Variants in ADGRA2 observed in about 807,000 individuals in gnomAD.
The protein encoded by ADGRA2 is adhesion G protein-coupled receptor A2.
Under a neutral mutation model 98.7 loss-of-function variants are expected in ADGRA2, and 61 were observed. The ratio of observed to expected loss-of-function variants is 0.62; its 90% CI spans 0.50 to 0.76. The LOEUF (loss-of-function observed/expected upper bound fraction) is 0.76, where lower values mean the gene tolerates loss of function less well. Ranked by LOEUF, ADGRA2 falls within the 30% of genes least tolerant of loss-of-function variation. The pLI, the probability that ADGRA2 is intolerant of heterozygous loss-of-function variation, is 0.00. For synonymous variants in ADGRA2, 858 were observed against 831.5 expected (o/e 1.03, Z -0.55); for missense variants, 1,712 against 1,860.0 (o/e 0.92, Z 1.46).
chr8:37,810,419 G>T (rs1007854122), intron 1 of ADGRA2, among the ~76,000 whole-genome samples: 1 of 152,006 alleles, frequency 6.6e-6, no homozygotes, highest in Non-Finnish European at 1.5e-5. Flanking sequence ...GGCAGTAGGA[G>T]AATCGCTTGA....
At chr8:37,816,014 G>C (rs1163712261) in intron 2 of ADGRA2, among the ~76,000 whole-genome samples, 1 of 152,176 alleles carries the variant, frequency 6.6e-6, no homozygotes, top group Non-Finnish European at 1.5e-5. Flanking sequence ...GCGCCATTTT[G>C]CCCAAATGGG....
Position 37,802,277 on chromosome 8 carries a change from C to G in ADGRA2, c.266+4743C>G, listed in dbSNP as rs552470144. 1.3e-5 allele frequency among the ~76,000 whole-genome samples: 2 copies of G among 152,068 alleles called. No individual in the cohort carries two copies. Among genetic ancestry groups the G allele is most frequent in the African/African-American group, 4.8e-5 (2 of 41,418 alleles). The stretch of plus-strand genomic sequence containing the variant: ...TGTGCCAAGCGTCGTGCACATGGCC[C>G]GAGGGCAGGACAAGGATGCTGGTGG... On this transcript the variant is annotated intron_variant, in intron 1 of 18. Coordinates refer to ENST00000412232, the MANE Select transcript of ADGRA2 (RefSeq NM_032777.10). This position sits in a 1 kb window ranked among gnomAD's most constrained non-coding sequence, Gnocchi z 4.7.
At chr8:37,825,549 G>A (rs1038798229) in intron 2 of ADGRA2, among the ~76,000 whole-genome samples, 5 of 151,902 alleles carry the variant, frequency 3.3e-5, no homozygotes, top group African/African-American at 4.8e-5. Context: ...GCACCCGGCC[G>A]GGGCTTCTTA....
At chr8:37,838,694 TCTC>T (rs10604017) in intron 14 of ADGRA2, among the ~76,000 whole-genome samples, 112,000 of 151,700 alleles carry the variant, frequency 0.74, 41,761 homozygotes, top group East Asian at 0.9. Flanking sequence ...CTGCTCCCTT[TCTC>T]CTCATCTCTG....
Position 37,841,279 on chromosome 8 carries a change from G to A in ADGRA2, c.2941G>A (p.Gly981Ser). 1 of 1,611,820 alleles carries A rather than the reference G, an allele frequency of 6.2e-7. No individual in the cohort carries two copies. The change falls in exon 19 of 19, where the codon GGC becomes AGC. Residue 981 changes from glycine (G) to serine (S), a missense_variant. Coordinates refer to ENST00000412232, the MANE Select transcript of ADGRA2 (RefSeq NM_032777.10). The surrounding 1 kb of genome is among the most constrained non-coding windows in gnomAD (Gnocchi z 5.0). ...EELRGSTRLR[G>S]SGPLLSDSGS... ...GCTGAGGGGTTCCACCAGGCTCAGGGGCAGCGGCCCCCTCCTGAGTGACTC... is the reference window on the plus strand; with the variant it reads ...GCTGAGGGGTTCCACCAGGCTCAGGAGCAGCGGCCCCCTCCTGAGTGACTC...
chr8:37,837,774 G>T lies in ADGRA2; in HGVS notation c.2094G>T (p.Ser698=). 1.3e-6 allele frequency: 2 copies of T among 1,552,444 alleles called. No homozygotes were observed. Among genetic ancestry groups the T allele is most frequent in the Non-Finnish European group, 1.7e-6 (2 of 1,148,026 alleles). Residue 698 remains serine, a synonymous_variant, in exon 14 of 19, where the codon TCG becomes TCT. Transcript: ENST00000412232. ...ACCTGACAGAGCCAGTGGCCGTTTCGCTGCGGCACTGGGCTGAGGGAGCCG... is the reference window on the plus strand; with the variant it reads ...ACCTGACAGAGCCAGTGGCCGTTTCTCTGCGGCACTGGGCTGAGGGAGCCG... ...VGNLTEPVAV[S]LRHWAEGAEP...
chr8:37,831,175 C>T (rs114025530), intron 7 of ADGRA2, among the ~76,000 whole-genome samples: 42 of 152,278 alleles, frequency 2.8e-4, no homozygotes, highest in African/African-American at 8.9e-4. Context: ...CTATCTATGG[C>T]ACCAGATTTA....
In ADGRA2 at chr8:37,797,164, G is replaced by A. The variant is rs1305853309; in HGVS notation, c.-105G>A. On this transcript the variant is annotated 5_prime_UTR_variant, in exon 1 of 19. Transcript: ENST00000412232. This position sits in a 1 kb window ranked among gnomAD's most constrained non-coding sequence, Gnocchi z 5.3. ...GCCCAGGGCCCCCCTCCACGCCCTC[G>A]GGAGCCCCGGGCCCCCGCTGAGCAC... is the stretch of plus-strand genomic sequence containing the variant. The A allele has an allele frequency of 1.1e-6, 1 of 923,368 alleles. No individual in the cohort carries two copies. Among genetic ancestry groups the A allele is most frequent in the African/African-American group, 1.8e-5 (1 of 56,848 alleles). 57.2% of individuals were successfully genotyped at this position (923,368 alleles called of 1,614,324 possible).
In ADGRA2 at chr8:37,830,646, G is replaced by A. The variant is rs1478342721; in HGVS notation, c.719-64G>A. 12 of 512,904 alleles carry A rather than the reference G, an allele frequency of 2.3e-5. No homozygotes were observed. Among genetic ancestry groups the A allele is most frequent in the South Asian group, 1.0e-4 (6 of 58,484 alleles). The allele number at this position is 512,904 out of a possible 1,614,324, so 31.8% of individuals were successfully genotyped here. A position where few individuals can be genotyped will look rare whatever the true frequency, so the allele number is the denominator to read the frequency against. On this transcript the variant is annotated intron_variant, in intron 6 of 18. Transcript: ENST00000412232. This position sits in a 1 kb window ranked among gnomAD's most constrained non-coding sequence, Gnocchi z 4.8. ...CCCCACCCCATCCTGCTGGACTCTC[G>A]CTCACACGTGCAGCCTCACATGCGT...
chr8:37,819,589 C>T (rs1489938200), intron 2 of ADGRA2, among the ~76,000 whole-genome samples: 1 of 152,132 alleles, frequency 6.6e-6, no homozygotes, highest in African/African-American at 2.4e-5. Context: ...TGAGGATGGT[C>T]TCGATCTCTT....
In ADGRA2 at chr8:37,844,415, C is replaced by A; in HGVS notation, c.*2060C>A. On this transcript the variant is annotated 3_prime_UTR_variant, in exon 19 of 19. Coordinates refer to ENST00000412232, the MANE Select transcript of ADGRA2 (RefSeq NM_032777.10). ...AAAGCAATACCTACGGACTGGTGTA[C>A]ACTTCCATCCTTGGTTATAACAGGA... 6.4e-7 allele frequency: 1 copy of A among 1,554,814 alleles called. No individual in the cohort carries two copies. Among genetic ancestry groups the A allele is most frequent in the Non-Finnish European group, 8.7e-7 (1 of 1,144,872 alleles).
chr8:37,812,828 G>A (rs1301664233), intron 1 of ADGRA2, among the ~76,000 whole-genome samples: 1 of 151,620 alleles, frequency 6.6e-6, no homozygotes, highest in Non-Finnish European at 1.5e-5. Context: ...ATGCCACCAG[G>A]CCCAGCTAAT....
At chr8:37,805,409 A>G (rs1804630114) in intron 1 of ADGRA2, among the ~76,000 whole-genome samples, 3 of 152,166 alleles carry the variant, frequency 2.0e-5, no homozygotes, top group Admixed American at 2.0e-4. Context: ...GAAAACATTG[A>G]TAACTTCCAT....
chr8:37,816,637 G>C (rs1317604258), intron 2 of ADGRA2, among the ~76,000 whole-genome samples: 1 of 104,820 alleles, frequency 9.5e-6, no homozygotes, highest in Non-Finnish European at 1.9e-5. Context: ...CACACACACG[G>C]CTGGGTGCAG....
chr8:37,800,907 G>C (rs192911440), intron 1 of ADGRA2, among the ~76,000 whole-genome samples: 35 of 152,068 alleles, frequency 2.3e-4, no homozygotes, highest in Admixed American at 5.2e-4. Flanking sequence ...TTGCATTTTG[G>C]CTTTATCCTC....
intron 8 of ADGRA2, among the ~76,000 whole-genome samples, chr8:37,832,227 A>G (rs1258144852): frequency 6.6e-6 from 1 of 151,048 alleles, no homozygotes; most frequent in Middle Eastern, 3.2e-3. Flanking sequence ...TAATTTTTGT[A>G]TTTTCAGTAG....
intron 1 of ADGRA2, among the ~76,000 whole-genome samples, chr8:37,805,726 G>C (rs1036941519): frequency 1.3e-5 from 2 of 151,954 alleles, no homozygotes; most frequent in African/African-American, 4.8e-5. Context: ...AAAATTAGCC[G>C]GGTGTAGTGG....
At position 37,829,970 on chromosome 8, in the gene ADGRA2, A is replaced by G; in HGVS notation, c.674A>G (p.His225Arg). ...HTLCAYPSAL[H>R]AQALGSLQEA... is the part of the protein sequence containing the mutation. Reference sequence around the variant, plus strand: ...CTCTGTGCTTACCCCAGTGCCCTGCATGCTCAGGCCCTGGGCAGCCTCCAG... The same window carrying G: ...CTCTGTGCTTACCCCAGTGCCCTGCGTGCTCAGGCCCTGGGCAGCCTCCAG... The change falls in exon 6 of 19, where the codon CAT (histidine) becomes CGT (arginine). Residue 225 changes from histidine to arginine, a missense_variant. His to Arg is a conservative substitution (Grantham distance 29, BLOSUM62 0). Coordinates refer to ENST00000412232, the MANE Select transcript of ADGRA2 (RefSeq NM_032777.10). The G allele has an allele frequency of 2.5e-6, 4 of 1,605,348 alleles. 1 individual carries two copies. The highest frequency in any genetic ancestry group is 3.4e-6 in the Non-Finnish European group (4 of 1,178,076).
rs372198196 is a variant in ADGRA2 at position 37,829,868 on chromosome 8, T to G, written c.572T>G (p.Phe191Cys). 1 of 1,612,514 alleles carries G rather than the reference T, an allele frequency of 6.2e-7. No homozygotes were observed. The highest frequency in any genetic ancestry group is 8.5e-7 in the Non-Finnish European group (1 of 1,179,688). Residue 191 changes from phenylalanine (F) to cysteine (C), a missense_variant, in exon 6 of 19, where the codon TTC (phenylalanine) becomes TGC (cysteine). Physicochemically the swap from Phe to Cys is radical, Grantham distance 205 (BLOSUM62 -2). Coordinates refer to ENST00000412232, the MANE Select transcript of ADGRA2 (RefSeq NM_032777.10). The stretch of plus-strand genomic sequence containing the variant: ...CCCTGCAGGGACTTGGGCACCGAGT[T>G]CCTGACCTGTGACTGCCACCTGCGC... The part of the protein sequence containing the change: ...ALKVVDLGTE[F>C]LTCDCHLRWL...
Sources: gnomAD v4.1 joint callset for allele counts (sites outside exome capture counted in the v4.1 genomes callset) on GRCh38, gnomAD v4.1.1 for gene constraint, Gnocchi (gnomAD v3.1) non-coding constraint, MANE v1.5 for transcripts, NCBI Gene and HGNC (gene_info 2026-07-23, HGNC 2026-07-21) for gene names.